Variants in BORCS8 observed in about 807,000 individuals in gnomAD.
The protein encoded by BORCS8 is BLOC-1 related complex subunit 8, also known as BLOC-1-related complex subunit 8.
In BORCS8, 13 loss-of-function variants were observed where a neutral mutation model predicts 18.7. The observed-to-expected ratio is 0.70, with a 90% CI of 0.45 to 1.11. BORCS8 has a LOEUF of 1.11. Among genes scored for constraint, BORCS8 ranks in the 50% least tolerant of loss-of-function variants. The pLI is 0.00. For missense variants in BORCS8, 165 were observed against 165.7 expected (o/e 1.00, Z 0.02); for synonymous variants, 68 against 64.8 (o/e 1.05, Z -0.24).
rs2060356259 is a variant in BORCS8 at position 19,182,226 on chromosome 19, ACCT to A, written c.326+344_326+346del. 2.6e-6 allele frequency: 1 copy of A among 384,662 alleles called. No individual in the cohort carries two copies. Among genetic ancestry groups the A allele is most frequent in the African/African-American group, 2.2e-5 (1 of 46,312 alleles). 23.8% of individuals were successfully genotyped at this position (384,662 alleles called of 1,614,324 possible). On this transcript the variant is annotated intron_variant, in intron 4 of 5. Transcript: ENST00000462790. The surrounding 1 kb of genome is among the most constrained non-coding windows in gnomAD (Gnocchi z 4.1). ...TCTCTGTCTGCATGTAACTCATGCC[ACCT>A]CCTAGGAGGGGCCCCGCAGTGTTCT... is the stretch of plus-strand genomic sequence containing the variant.
Position 19,182,359 on chromosome 19 carries a change from C to T in BORCS8, c.326+214G>A, listed in dbSNP as rs1215626275. The stretch of plus-strand genomic sequence containing the variant: ...TCACTGCTATGTCCCCAGTGCCCAG[C>T]CCAGGGCCAGGCACACAGCAGAGCG... On this transcript the variant is annotated intron_variant, in intron 4 of 5. Coordinates refer to ENST00000462790, the MANE Select transcript of BORCS8 (RefSeq NM_001145784.2). The surrounding 1 kb of genome is among the most constrained non-coding windows in gnomAD (Gnocchi z 4.1). 5 of 1,308,072 alleles carry T rather than the reference C, an allele frequency of 3.8e-6. No homozygotes were observed. The highest frequency in any genetic ancestry group is 5.0e-6 in the Non-Finnish European group (5 of 1,009,618). The allele number at this position is 1,308,072 out of a possible 1,614,324, so 81.0% of individuals were successfully genotyped here.
intron 4 of BORCS8, 56 bp from the exon 5 acceptor site, chr19:19,180,817 G>A: frequency 6.7e-7 from 1 of 1,491,786 alleles, no homozygotes; most frequent in Non-Finnish European, 9.0e-7. Context: ...CACAAGGCTT[G>A]CTCAGCTGGC....
chr19:19,180,649 G>T, intron 5 of BORCS8, 37 bp downstream of exon 5: 1 of 1,407,188 alleles, frequency 7.1e-7, no homozygotes, highest in Non-Finnish European at 9.8e-7. Flanking sequence ...TTAGTTCAGA[G>T]CAGAGAGAGA....
intron 5 of BORCS8, 63 bp downstream of exon 5, chr19:19,180,623 C>T (rs949515071): frequency 8.5e-7 from 1 of 1,174,922 alleles, no homozygotes; most frequent in Admixed American, 2.0e-5. Flanking sequence ...GCCTGGCTGC[C>T]AAGCGGGCGG....
chr19:19,189,934 A>G (rs921870224), intron 1 of BORCS8, among the ~76,000 whole-genome samples: 3 of 152,032 alleles, frequency 2.0e-5, no homozygotes, highest in African/African-American at 7.2e-5. Context: ...AAAAAATTAA[A>G]TGCCCGTATG....
chr19:19,187,816 C>T (rs1194964471), intron 1 of BORCS8, among the ~76,000 whole-genome samples: 1 of 151,208 alleles, frequency 6.6e-6, no homozygotes, highest in African/African-American at 2.4e-5. Context: ...GGATTACAGG[C>T]TTGAGCCACC....
intron 2 of BORCS8, 102 bp from the exon 3 acceptor site, chr19:19,186,200 G>A: frequency 1.8e-6 from 2 of 1,117,068 alleles, no homozygotes; most frequent in Non-Finnish European, 1.3e-6. Flanking sequence ...CCTCATGGTG[G>A]AAGCAGAGAC....
At position 19,181,751 on chromosome 19, in the gene BORCS8, C is replaced by T. The variant is rs868625332; in HGVS notation, c.326+822G>A. The T allele has an allele frequency of 1.1e-5, 6 of 525,788 alleles. No individual in the cohort carries two copies. In the Admixed American group the frequency reaches 1.9e-4, roughly 17 times the overall value. 32.6% of individuals were successfully genotyped at this position (525,788 alleles called of 1,614,324 possible). ...ACTCAAGTCTTGTTTCTGCAATTTT[C>T]GCGTCTTAGTTAAGCAACACAGATG... is the stretch of plus-strand genomic sequence containing the variant. On this transcript the variant is annotated intron_variant, in intron 4 of 5. Transcript: ENST00000462790.
Position 19,180,733 on chromosome 19 carries a change from C to T in BORCS8, c.355G>A (p.Ala119Thr). ...GCCCCGAGTCTCTTCCAGGATCAGG[C>T]TGAGGAGGGCGGGGGTGGTTCCTCC... ...SPEEPPPPSS[A>T] is the part of the protein sequence containing the mutation. The change falls in exon 5 of 6, where the codon GCC becomes ACC. Residue 119 changes from alanine (A) to threonine (T), a missense_variant. Ala to Thr is a moderately conservative substitution (Grantham distance 58). Coordinates refer to ENST00000462790, the MANE Select transcript of BORCS8 (RefSeq NM_001145784.2). 1.9e-6 allele frequency: 3 copies of T among 1,550,446 alleles called. No homozygotes were observed. The highest frequency in any genetic ancestry group is 2.6e-6 in the Non-Finnish European group (3 of 1,146,714).
At chr19:19,177,696 G>GGAAGGAAGGAAAAAGAAAAGAAA (rs1376064847) in intron 5 of BORCS8, 6 of 74,650 alleles carry the variant, frequency 8.0e-5, no homozygotes, top group African/African-American at 3.1e-4. Context: ...AAGGAAGGAA[G>GGAAGGAAGGAAAAAGAAAAGAAA]AGAAAAGAAA....
At chr19:19,187,050 C>T (rs369377657) in intron 1 of BORCS8, 45 bp from the exon 2 acceptor site, 71 of 1,425,214 alleles carry the variant, frequency 5.0e-5, no homozygotes, top group Non-Finnish European at 6.3e-5. Flanking sequence ...GGAGACAAAG[C>T]GTCAGCCTCC....
intron 3 of BORCS8, among the ~76,000 whole-genome samples, chr19:19,184,716 C>T (rs1023347303): frequency 6.6e-6 from 1 of 152,230 alleles, no homozygotes; most frequent in African/African-American, 2.4e-5. Flanking sequence ...CCTCCCACCT[C>T]AGCATCCCGA....
chr19:19,189,128 C>T lies in BORCS8; in HGVS notation c.38-2123G>A, dbSNP rs73537459. Among the ~76,000 whole-genome samples the T allele has an allele frequency of 7.4e-3, 1,122 of 152,280 alleles. 13 individuals are homozygous for T. Among genetic ancestry groups the T allele is most frequent in the African/African-American group, 0.025 (1,034 of 41,562 alleles). On this transcript the variant is annotated intron_variant, in intron 1 of 5. Transcript: ENST00000462790. ...GGGATTACAGGAGTGAGCCACCGCC[C>T]GGCCCTGATAAATTAATTGCACGCA... is the stretch of plus-strand genomic sequence containing the variant.
At chr19:19,180,318 T>C in intron 5 of BORCS8, 1 of 250,826 alleles carries the variant, frequency 4.0e-6, no homozygotes, top group Non-Finnish European at 7.8e-6. Flanking sequence ...CATGCCGGGC[T>C]CTGCCTGAGA....
chr19:19,182,815 G>A lies in BORCS8; in HGVS notation c.216-132C>T. 1.7e-6 allele frequency: 2 copies of A among 1,202,242 alleles called. No homozygotes were observed. The highest frequency in any genetic ancestry group is 2.3e-6 in the Non-Finnish European group (2 of 888,046). The allele number at this position is 1,202,242 out of a possible 1,614,324, so 74.5% of individuals were successfully genotyped here. On this transcript the variant is annotated intron_variant, in intron 3 of 5. Transcript: ENST00000462790. This position sits in a 1 kb window ranked among gnomAD's most constrained non-coding sequence, Gnocchi z 4.1. Reference sequence around the variant, plus strand: ...CTGCGGGCTTCCCGAAGGACTCACAGTGGGCTTACATTTTAGATTTCCCTG... The same window carrying A: ...CTGCGGGCTTCCCGAAGGACTCACAATGGGCTTACATTTTAGATTTCCCTG...
Position 19,182,346 on chromosome 19 carries a change from C to T in BORCS8, c.326+227G>A. On this transcript the variant is annotated intron_variant, in intron 4 of 5. Coordinates refer to ENST00000462790, the MANE Select transcript of BORCS8 (RefSeq NM_001145784.2). The surrounding 1 kb of genome is among the most constrained non-coding windows in gnomAD (Gnocchi z 4.1). The stretch of plus-strand genomic sequence containing the variant: ...CTGTCTGTCTCGGTCACTGCTATGT[C>T]CCCAGTGCCCAGCCCAGGGCCAGGC... The T allele has an allele frequency of 8.5e-7, 1 of 1,183,034 alleles. No homozygotes were observed. Among genetic ancestry groups the T allele is most frequent in the Non-Finnish European group, 1.1e-6 (1 of 903,028 alleles). The allele number at this position is 1,183,034 out of a possible 1,614,324, so 73.3% of individuals were successfully genotyped here.
chr19:19,188,209 T>C (rs2060430042), intron 1 of BORCS8, among the ~76,000 whole-genome samples: 2 of 151,612 alleles, frequency 1.3e-5, no homozygotes, highest in Admixed American at 1.3e-4. Flanking sequence ...TTTTGTATTT[T>C]TTAGTAGAGA....
intron 3 of BORCS8, among the ~76,000 whole-genome samples, chr19:19,184,398 C>T (rs1198693070): frequency 1.5e-4 from 22 of 150,896 alleles, no homozygotes; most frequent in African/African-American, 4.2e-4. Context: ...CTCCACCTCC[C>T]GGGTTCATGC....
chr19:19,182,117 TTCTCGAACACTC>T lies in BORCS8; in HGVS notation c.326+444_326+455del. On this transcript the variant is annotated intron_variant, in intron 4 of 5. Transcript: ENST00000462790. The surrounding 1 kb of genome is among the most constrained non-coding windows in gnomAD (Gnocchi z 4.1). Reference sequence around the variant, plus strand: ...CCAGCCACAGAAGCCTTCTCGGTGCTTCTCGAACACTCCCAGGGATCCCAGCCCCAGAGCGTC... The same window carrying T: ...CCAGCCACAGAAGCCTTCTCGGTGCTCCAGGGATCCCAGCCCCAGAGCGTC... 1.1e-6 allele frequency: 1 copy of T among 883,960 alleles called. No homozygotes were observed. Among genetic ancestry groups the T allele is most frequent in the Non-Finnish European group, 1.4e-6 (1 of 737,264 alleles). The allele number at this position is 883,960 out of a possible 1,614,324, so 54.8% of individuals were successfully genotyped here. A position where few individuals can be genotyped will look rare whatever the true frequency, so the allele number is the denominator to read the frequency against.
Sources: allele counts gnomAD v4.1 joint callset (sites outside exome capture counted in the v4.1 genomes callset), GRCh38; gene constraint gnomAD v4.1.1; non-coding constraint Gnocchi (gnomAD v3.1); transcripts MANE v1.5; gene names NCBI Gene and HGNC (gene_info 2026-07-23, HGNC 2026-07-21).